The following TRIM33 variants were observed in gnomAD, a reference collection of about 807,000 sequenced individuals.
TRIM33 encodes tripartite motif containing 33, also known as E3 ubiquitin-protein ligase TRIM33.
A neutral mutation model predicts 125.4 loss-of-function variants in TRIM33; 20 were observed. That is an observed-to-expected ratio of 0.16 (90% CI 0.11 to 0.23). The LOEUF (loss-of-function observed/expected upper bound fraction) is 0.23, where lower values mean the gene tolerates loss of function less well. TRIM33 is among the 10% of genes least tolerant of loss of function. The probability of loss-of-function intolerance (pLI) is 1.00; values close to 1 mark genes in which losing one functional copy is unlikely to be tolerated. For missense variants in TRIM33, 920 were observed against 1,411.4 expected (o/e 0.65, Z 5.58); for synonymous variants, 564 against 513.9 (o/e 1.10, Z -1.32).
intron 19 of TRIM33, 33 bp downstream of exon 19, chr1:114,397,907 C>T: frequency 6.2e-7 from 1 of 1,613,810 alleles, no homozygotes; most frequent in Non-Finnish European, 8.5e-7. Flanking sequence ...ATGCATATTC[C>T]TTCACCAAGT....
At chr1:114,411,659 T>C (rs1652596056) in intron 11 of TRIM33, among the ~76,000 whole-genome samples, 1 of 152,188 alleles carries the variant, frequency 6.6e-6, no homozygotes, top group South Asian at 2.1e-4. Context: ...TCACCTGCAA[T>C]TTGTATCTTT....
At chr1:114,412,900 C>T (rs1156714086) in intron 11 of TRIM33, among the ~76,000 whole-genome samples, 3 of 152,138 alleles carry the variant, frequency 2.0e-5, no homozygotes, top group Non-Finnish European at 4.4e-5. Flanking sequence ...ATGACAGATA[C>T]ACGTTTAACT....
Position 114,510,592 on chromosome 1 carries a change from C to T in TRIM33, c.485G>A (p.Ser162Asn). Reference sequence around the variant, plus strand: ...GTTGCTGCCCCCCGGGATGGGCACGCTGAGCTGGCGCTCCGGCTCGGGCAG... The same window carrying T: ...GTTGCTGCCCCCCGGGATGGGCACGTTGAGCTGGCGCTCCGGCTCGGGCAG... ...RCLPEPERQL[S>N]VPIPGGSNGD... is the part of the protein sequence containing the mutation. Residue 162 changes from serine to asparagine, a missense_variant, in exon 1 of 20, where the codon AGC becomes AAC. This residue lies in a region of TRIM33 where 75 missense variants were observed against 123.9 expected (regional missense o/e 0.61). Coordinates refer to ENST00000358465, the MANE Select transcript of TRIM33 (RefSeq NM_015906.4). The T allele has an allele frequency of 1.3e-6, 2 of 1,544,532 alleles. No homozygotes were observed. Among genetic ancestry groups the T allele is most frequent in the South Asian group, 2.4e-5 (2 of 84,420 alleles).
At chr1:114,436,849 A>G (rs1328073844) in intron 4 of TRIM33, among the ~76,000 whole-genome samples, 2 of 152,184 alleles carry the variant, frequency 1.3e-5, no homozygotes, top group Non-Finnish European at 2.9e-5. Context: ...TTTATCCCAC[A>G]TACTATGATT....
chr1:114,440,043 C>T (rs1648559845), intron 4 of TRIM33, among the ~76,000 whole-genome samples: 1 of 152,152 alleles, frequency 6.6e-6, no homozygotes, highest in South Asian at 2.1e-4. Context: ...TATACCACTA[C>T]AAAGCAGAGA....
At chr1:114,496,573 T>C (rs1652377387) in intron 1 of TRIM33, among the ~76,000 whole-genome samples, 1 of 152,240 alleles carries the variant, frequency 6.6e-6, no homozygotes, top group African/African-American at 2.4e-5. Context: ...AAGGATAGTA[T>C]GTAGGTATTT....
At chr1:114,401,517 AT>A (rs1651890015) in intron 16 of TRIM33, 54 bp from the exon 17 acceptor site, 2 of 1,455,558 alleles carry the variant, frequency 1.4e-6, no homozygotes, top group Admixed American at 1.8e-5. Context: ...CTAATAAAAC[AT>A]TCTCGAGAAT....
intron 10 of TRIM33, among the ~76,000 whole-genome samples, chr1:114,424,154 A>AAAT (rs959862236): frequency 5.3e-5 from 8 of 152,052 alleles, no homozygotes; most frequent in Admixed American, 6.5e-5. Flanking sequence ...AGGTAAAAAA[A>AAAT]AATAATAATA....
At chr1:114,410,999 C>A (rs1369561517) in intron 11 of TRIM33, among the ~76,000 whole-genome samples, 1 of 152,048 alleles carries the variant, frequency 6.6e-6, no homozygotes, top group Non-Finnish European at 1.5e-5. Context: ...ATGAATATTA[C>A]CTTAAATCTT....
chr1:114,507,891 C>G (rs138523806), intron 1 of TRIM33, among the ~76,000 whole-genome samples: 1 of 152,076 alleles, frequency 6.6e-6, no homozygotes, highest in African/African-American at 2.4e-5. Context: ...CTGAGGCAGG[C>G]AGATCATTTG....
At chr1:114,402,920 T>C (rs1002644829) in intron 15 of TRIM33, 37 bp from the exon 16 acceptor site, 3 of 1,575,402 alleles carry the variant, frequency 1.9e-6, no homozygotes, top group African/African-American at 2.7e-5. Flanking sequence ...CACGTAATTA[T>C]AAGAAAGCCT....
At chr1:114,429,360 G>GTT (rs1392442712) in intron 6 of TRIM33, among the ~76,000 whole-genome samples, 133 of 141,914 alleles carry the variant, frequency 9.4e-4, no homozygotes, top group African/African-American at 3.3e-3. Flanking sequence ...GCTAATTTTT[G>GTT]TTTTTTTTTT....
chr1:114,443,576 CACTT>C (rs1323909753), intron 4 of TRIM33, among the ~76,000 whole-genome samples: 37 of 152,178 alleles, frequency 2.4e-4, no homozygotes. Flanking sequence ...AGAGAAACCT[CACTT>C]ATATCATTCA....
intron 1 of TRIM33, among the ~76,000 whole-genome samples, chr1:114,482,561 A>G (rs1651426660): frequency 6.6e-6 from 1 of 152,196 alleles, no homozygotes; most frequent in African/African-American, 2.4e-5. Context: ...ATGAAATATA[A>G]GACTTAACAA....
chr1:114,507,554 G>A (rs563160906), intron 1 of TRIM33, among the ~76,000 whole-genome samples: 18 of 152,332 alleles, frequency 1.2e-4, no homozygotes, highest in African/African-American at 4.1e-4. Context: ...ATCCTGTATT[G>A]TTGAAGCATT....
chr1:114,413,600 G>C (rs76890856), intron 11 of TRIM33, among the ~76,000 whole-genome samples: 6,574 of 37,768 alleles, frequency 0.17, 280 homozygotes, highest in African/African-American at 0.24. Flanking sequence ...GACTTTTTCT[G>C]AAAAGAAAAA....
intron 6 of TRIM33, 84 bp from the exon 7 acceptor site, chr1:114,427,978 C>G: frequency 7.3e-7 from 1 of 1,377,440 alleles, no homozygotes; most frequent in Non-Finnish European, 1.0e-6. Context: ...GGCACAATAC[C>G]TATACTTCCT....
intron 11 of TRIM33, among the ~76,000 whole-genome samples, chr1:114,420,174 G>T (rs1188248690): frequency 5.9e-5 from 9 of 152,186 alleles, no homozygotes; most frequent in Non-Finnish European, 1.2e-4. Flanking sequence ...ATTTCAGAAG[G>T]ATCCAAAGGA....
At position 114,433,605 on chromosome 1, in the gene TRIM33, C is replaced by A; in HGVS notation, c.1040+12G>T. ...AATTCTTAAAATTATGGTTTTAAGG[C>A]AACAAACTTACCTATTCTGCACCTG... On this transcript the variant is annotated intron_variant, in intron 5 of 19. Transcript: ENST00000358465. The A allele has an allele frequency of 6.6e-7, 1 of 1,520,534 alleles. No individual in the cohort carries two copies. The highest frequency in any genetic ancestry group is 9.0e-7 in the Non-Finnish European group (1 of 1,113,400). 94.2% of individuals were successfully genotyped at this position (1,520,534 alleles called of 1,614,324 possible).
Sources: gnomAD v4.1 joint callset for allele counts (sites outside exome capture counted in the v4.1 genomes callset) on GRCh38, gnomAD v4.1.1 for gene constraint, gnomAD v4.1.1 regional missense constraint, MANE v1.5 for transcripts, NCBI Gene and HGNC (gene_info 2026-07-23, HGNC 2026-07-21) for gene names.